The following CSGALNACT2 variants were observed in gnomAD, a reference collection of about 807,000 sequenced individuals.
CSGALNACT2 encodes chondroitin sulfate N-acetylgalactosaminyltransferase 2.
Under a neutral mutation model 55.3 loss-of-function variants are expected in CSGALNACT2, and 35 were observed. The ratio of observed to expected loss-of-function variants is 0.63; its 90% CI spans 0.48 to 0.84. The LOEUF is 0.84. CSGALNACT2 is among the 40% of genes least tolerant of loss of function. CSGALNACT2 has a pLI of 0.00. For missense variants in CSGALNACT2, 544 were observed against 657.5 expected, an observed-to-expected ratio of 0.83 and a Z score of 1.89; for synonymous variants, 196 against 224.9, an observed-to-expected ratio of 0.87 and a Z score of 1.15.
chr10:43,152,284 T>C (rs562109513), intron 1 of CSGALNACT2, among the ~76,000 whole-genome samples: 2 of 152,324 alleles, frequency 1.3e-5, no homozygotes, highest in South Asian at 4.1e-4. Context: ...ATGTTTTCTA[T>C]AATATTCTTA....
intron 6 of CSGALNACT2, among the ~76,000 whole-genome samples, chr10:43,168,655 C>T (rs961072887): frequency 5.7e-5 from 8 of 141,444 alleles, no homozygotes; most frequent in Non-Finnish European, 9.1e-5. Context: ...CATATCAACA[C>T]TTGGCATAGT....
rs568518489 is a variant in CSGALNACT2 at position 43,180,906 on chromosome 10, T to G, written c.1337-2344T>G. Among the ~76,000 whole-genome samples the G allele has an allele frequency of 1.4e-4, 22 of 152,318 alleles. No homozygotes were observed. The East Asian group carries it at 4.1e-3, about 28-fold the overall frequency. On this transcript the variant is annotated intron_variant, in intron 7 of 7. Transcript: ENST00000374466. ...AGTTGGGTAGATTTCTTCCTCCAAG[T>G]CAGTTAGGCACTGATAAAACCCCAG...
chr10:43,169,832 C>T (rs979102503), intron 6 of CSGALNACT2, among the ~76,000 whole-genome samples: 1 of 152,156 alleles, frequency 6.6e-6, no homozygotes, highest in Non-Finnish European at 1.5e-5. Flanking sequence ...GATTGGCATT[C>T]GTCTTCTTTT....
chr10:43,180,890 G>T (rs1329885715), intron 7 of CSGALNACT2, among the ~76,000 whole-genome samples: 3 of 152,206 alleles, frequency 2.0e-5, no homozygotes, highest in Admixed American at 1.3e-4. Context: ...TAGTTGGGTA[G>T]ATTTCTTCCT....
At chr10:43,179,740 G>A (rs1163046043) in intron 7 of CSGALNACT2, among the ~76,000 whole-genome samples, 2 of 152,184 alleles carry the variant, frequency 1.3e-5, no homozygotes, top group East Asian at 3.9e-4. Context: ...ACCCCAGGAG[G>A]TATATTCTTA....
In CSGALNACT2 at chr10:43,155,160, G is replaced by T. The variant is rs1838965060; in HGVS notation, c.11G>T (p.Arg4Ile). The change falls in exon 2 of 8, where the codon AGA (arginine) becomes ATA (isoleucine). Residue 4 changes from arginine (R) to isoleucine (I), a missense_variant. By Grantham distance (97) the Arg-to-Ile change is moderately conservative. Transcript: ENST00000374466. ...TACACATTAATAAGAATGCCTAGAA[G>T]AGGACTGATTCTTCACACCCGGACC... is the stretch of plus-strand genomic sequence containing the variant. MPR[R>I]GLILHTRTHW... The T allele has an allele frequency of 1.2e-6, 2 of 1,613,180 alleles. No homozygotes were observed. The highest frequency in any genetic ancestry group is 1.7e-6 in the Non-Finnish European group (2 of 1,179,212).
intron 1 of CSGALNACT2, among the ~76,000 whole-genome samples, chr10:43,151,800 C>G (rs1838880983): frequency 6.6e-6 from 1 of 152,176 alleles, no homozygotes; most frequent in African/African-American, 2.4e-5. Context: ...GAAACTAAGG[C>G]AGTAAGCTGG....
intron 6 of CSGALNACT2, among the ~76,000 whole-genome samples, chr10:43,175,416 A>AT (rs964346858): frequency 1.2e-4 from 18 of 151,680 alleles, no homozygotes; most frequent in African/African-American, 4.4e-4. Context: ...ACTTGGCCTG[A>AT]TTTTTTTTTA....
chr10:43,164,156 T>A, intron 5 of CSGALNACT2, 112 bp downstream of exon 5: 1 of 840,132 alleles, frequency 1.2e-6, no homozygotes, highest in Non-Finnish European at 1.8e-6. Context: ...AACCCCAGTA[T>A]TTTTTTAAGT....
chr10:43,164,944 C>T lies in CSGALNACT2; in HGVS notation c.1159+900C>T, dbSNP rs529913125. Among the ~76,000 whole-genome samples the T allele has an allele frequency of 4.0e-3, 613 of 151,896 alleles. 4 individuals carry two copies. The highest frequency in any genetic ancestry group is 0.014 in the African/African-American group (592 of 41,420). The stretch of plus-strand genomic sequence containing the variant: ...AAAAGAATTAAAAGTATTAAAGAGG[C>T]TGGGGGTGGTGGCTCATGCCTGTAA... On this transcript the variant is annotated intron_variant, in intron 5 of 7. Transcript: ENST00000374466.
intron 6 of CSGALNACT2, among the ~76,000 whole-genome samples, chr10:43,168,928 G>A (rs1322679161): frequency 1.3e-5 from 2 of 152,232 alleles, no homozygotes; most frequent in Non-Finnish European, 2.9e-5. Context: ...GGAGAGAACA[G>A]ACTAGAATGT....
rs1839510254 is a variant in CSGALNACT2 at position 43,177,823 on chromosome 10, C to T, written c.1336+1791C>T. Among the ~76,000 whole-genome samples, 6 of 152,300 alleles carry T rather than the reference C, an allele frequency of 3.9e-5. 1 individual carries two copies. On this transcript the variant is annotated intron_variant, in intron 7 of 7. Coordinates refer to ENST00000374466, the MANE Select transcript of CSGALNACT2 (RefSeq NM_018590.5). The stretch of plus-strand genomic sequence containing the variant: ...GTCATATGGTAATCCTGTGTTTGAC[C>T]TTTTGAGAAATTGCCACACCGTTTT...
intron 6 of CSGALNACT2, among the ~76,000 whole-genome samples, chr10:43,175,043 G>A (rs1389061079): frequency 2.6e-5 from 4 of 152,160 alleles, no homozygotes; most frequent in East Asian, 1.9e-4. Context: ...CTGGTTTCTC[G>A]CATGGTAGAA....
chr10:43,165,559 G>A (rs1210208361), intron 5 of CSGALNACT2, among the ~76,000 whole-genome samples: 1 of 152,190 alleles, frequency 6.6e-6, no homozygotes, highest in Non-Finnish European at 1.5e-5. Flanking sequence ...AGCACCTTGG[G>A]AGTCTGAGAC....
intron 6 of CSGALNACT2, among the ~76,000 whole-genome samples, chr10:43,168,132 G>A (rs1396275701): frequency 6.6e-6 from 1 of 152,166 alleles, no homozygotes; most frequent in African/African-American, 2.4e-5. Flanking sequence ...CACAGGCTAA[G>A]TTCATGTTAG....
chr10:43,170,749 G>T (rs538613134), intron 6 of CSGALNACT2, among the ~76,000 whole-genome samples: 2 of 152,290 alleles, frequency 1.3e-5, no homozygotes, highest in South Asian at 4.1e-4. Context: ...CTTTTCACGG[G>T]AGAAACCCAG....
chr10:43,165,113 T>A (rs1256042293), intron 5 of CSGALNACT2, among the ~76,000 whole-genome samples: 1 of 151,916 alleles, frequency 6.6e-6, no homozygotes, highest in Non-Finnish European at 1.5e-5. Flanking sequence ...TAGTCCTAGC[T>A]CCTCAGGAGA....
chr10:43,139,637 T>C (rs924522479), intron 1 of CSGALNACT2, among the ~76,000 whole-genome samples: 3 of 152,240 alleles, frequency 2.0e-5, no homozygotes, highest in African/African-American at 7.2e-5. Flanking sequence ...TCATCCTATT[T>C]TCCTGTGCTT....
chr10:43,142,496 C>T (rs2133087270), intron 1 of CSGALNACT2, among the ~76,000 whole-genome samples: 1 of 152,160 alleles, frequency 6.6e-6, no homozygotes, highest in East Asian at 1.9e-4. Context: ...GCCACCGTGC[C>T]CAGCCCTATA....
Sources: gnomAD v4.1 joint callset for allele counts (sites outside exome capture counted in the v4.1 genomes callset) on GRCh38, gnomAD v4.1.1 for gene constraint, MANE v1.5 for transcripts, NCBI Gene and HGNC (gene_info 2026-07-23, HGNC 2026-07-21) for gene names.